Variants in GAPVD1 observed in about 807,000 individuals in gnomAD.
The protein encoded by GAPVD1 is GTPase activating protein and VPS9 domains 1.
Under a neutral mutation model 155.5 loss-of-function variants are expected in GAPVD1, and 35 were observed. The observed-to-expected ratio is 0.23, with a 90% CI of 0.17 to 0.30. The LOEUF (loss-of-function observed/expected upper bound fraction) is 0.30. Among genes scored for constraint, GAPVD1 ranks in the 10% least tolerant of loss-of-function variants. GAPVD1 has a pLI of 1.00. For missense variants in GAPVD1, 1,429 were observed against 1,775.7 expected, an observed-to-expected ratio of 0.80 and a Z score of 3.51; for synonymous variants, 636 against 619.7, an observed-to-expected ratio of 1.03 and a Z score of -0.39.
At chr9:125,330,986 A>AT (rs35123950) in intron 13 of GAPVD1, among the ~76,000 whole-genome samples, 74,910 of 150,184 alleles carry the variant, frequency 0.5, 18,746 homozygotes, top group Middle Eastern at 0.58. Flanking sequence ...AATCCTGAGG[A>AT]TTTTTTTTTT....
intron 26 of GAPVD1, chr9:125,359,976 T>A (rs1263593048): frequency 6.4e-6 from 1 of 155,270 alleles, no homozygotes; most frequent in Non-Finnish European, 1.4e-5. Context: ...TTGAGCTTTC[T>A]GTTTGTTTTT....
chr9:125,329,112 GGGGAGA>G (rs372681640), intron 12 of GAPVD1, among the ~76,000 whole-genome samples: 3,212 of 152,262 alleles, frequency 0.021, 82 homozygotes, highest in African/African-American at 0.069. Flanking sequence ...GGGAGACCGT[GGGGAGA>G]GGGAGAGGGA....
intron 12 of GAPVD1, among the ~76,000 whole-genome samples, 154 bp downstream of exon 12, chr9:125,326,743 A>T (rs1564400266): frequency 6.6e-6 from 1 of 152,210 alleles, no homozygotes; most frequent in East Asian, 1.9e-4. Context: ...GCATTTGGGT[A>T]CTTTTTTCTT....
chr9:125,293,168 G>T (rs1838875063), intron 2 of GAPVD1, among the ~76,000 whole-genome samples: 1 of 152,142 alleles, frequency 6.6e-6, no homozygotes, highest in African/African-American at 2.4e-5. Context: ...CCTGAGTTTG[G>T]AGTCTAGGAA....
rs1845407351 is a variant in GAPVD1 at position 125,327,750 on chromosome 9, C to T, written c.2032+1161C>T. Among the ~76,000 whole-genome samples, 8 of 152,202 alleles carry T rather than the reference C, an allele frequency of 5.3e-5. No homozygotes were observed. In the South Asian group the frequency reaches 1.7e-3, roughly 32 times the overall value. On this transcript the variant is annotated intron_variant, in intron 12 of 27. Transcript: ENST00000297933. ...AACTCCTGACCTCAAGTGATCCATC[C>T]GCCTCGGCCTCCCAAAGTGCTGGGA... is the stretch of plus-strand genomic sequence containing the variant.
chr9:125,356,764 TGGGCTTAA>T (rs1850138965), intron 25 of GAPVD1, among the ~76,000 whole-genome samples: 1 of 152,204 alleles, frequency 6.6e-6, no homozygotes, highest in African/African-American at 2.4e-5. Flanking sequence ...CTCTGCCTCC[TGGGCTTAA>T]GCGATTCTCC....
intron 17 of GAPVD1, among the ~76,000 whole-genome samples, 188 bp from the exon 18 acceptor site, chr9:125,340,989 C>CG (rs35474802): frequency 3.9e-5 from 6 of 152,256 alleles, no homozygotes; most frequent in African/African-American, 1.4e-4. Flanking sequence ...GAGGCTGATA[C>CG]GGGGAGGATC....
chr9:125,270,777 C>T (rs1240635223), intron 2 of GAPVD1, among the ~76,000 whole-genome samples: 2 of 152,084 alleles, frequency 1.3e-5, no homozygotes, highest in Admixed American at 6.6e-5. Context: ...AACCCCGTTT[C>T]TGGTAAAAGT....
chr9:125,293,815 T>G (rs1839114487), intron 2 of GAPVD1, among the ~76,000 whole-genome samples: 2 of 127,760 alleles, frequency 1.6e-5, no homozygotes, highest in South Asian at 4.6e-4. Context: ...TATATTTATA[T>G]ATGAAATATA....
rs183661345 is a variant in GAPVD1, at chr9:125,289,733, A to G, written c.-149-5725A>G. ...AGTTGCATATATGGATTTGGCATTC[A>G]GGGGAAAGGGACAGACTGGAGATAT... On this transcript the variant is annotated intron_variant, in intron 2 of 27. Coordinates refer to ENST00000297933, the MANE Select transcript of GAPVD1 (RefSeq NM_001282680.3). Among the ~76,000 whole-genome samples the G allele has an allele frequency of 2.6e-5, 4 of 152,300 alleles. No homozygotes were observed. In the East Asian group the frequency reaches 5.8e-4, roughly 22 times the overall value.
rs1204504913 is a variant in GAPVD1, at chr9:125,305,128, C to T, written c.1095C>T (p.Ser365=). The T allele has an allele frequency of 6.2e-7, 1 of 1,612,932 alleles. No homozygotes were observed. Among genetic ancestry groups the T allele is most frequent in the South Asian group, 1.1e-5 (1 of 91,068 alleles). ...GSEEGDPRTK[S]SLGKFDKSCV... Reference sequence around the variant, plus strand: ...AAGAGGGAGATCCCCGAACAAAGAGCAGCCTTGGAAAGTTTGACAAAGTAA... The same window carrying T: ...AAGAGGGAGATCCCCGAACAAAGAGTAGCCTTGGAAAGTTTGACAAAGTAA... Residue 365 remains serine (S), a synonymous_variant, in exon 6 of 28, where the codon AGC becomes AGT. Coordinates refer to ENST00000297933, the MANE Select transcript of GAPVD1 (RefSeq NM_001282680.3).
Position 125,319,411 on chromosome 9 carries a change from A to AT in GAPVD1, c.1603-2011dup, listed in dbSNP as rs912404196. Among the ~76,000 whole-genome samples the AT allele has an allele frequency of 1.2e-3, 165 of 143,314 alleles. 3 individuals carry two copies. The highest frequency in any genetic ancestry group is 3.5e-3 in the Middle Eastern group (1 of 284). The allele number at this position is 143,314 out of a possible 152,430, so 94.0% of individuals were successfully genotyped here. On this transcript the variant is annotated intron_variant, in intron 9 of 27. Coordinates refer to ENST00000297933, the MANE Select transcript of GAPVD1 (RefSeq NM_001282680.3). ...TTAATAAAAATTTTATGTGTATTTA[A>AT]TTTTTTTTTTTGAGATGGAATCTCC... is the stretch of plus-strand genomic sequence containing the variant.
chr9:125,329,059 C>T (rs1185050891), intron 12 of GAPVD1, among the ~76,000 whole-genome samples: 1 of 151,692 alleles, frequency 6.6e-6, no homozygotes, highest in African/African-American at 2.4e-5. Flanking sequence ...TTGCAGTGAG[C>T]CAAGATGGCA....
chr9:125,331,477 A>G (rs983075073), intron 13 of GAPVD1, among the ~76,000 whole-genome samples: 2 of 152,232 alleles, frequency 1.3e-5, no homozygotes, highest in African/African-American at 4.8e-5. Context: ...CTGGGATTAC[A>G]GGTGTGAGCT....
chr9:125,315,031 C>T (rs59268215), intron 9 of GAPVD1, among the ~76,000 whole-genome samples: 1,569 of 152,206 alleles, frequency 0.01, 20 homozygotes, highest in African/African-American at 0.034. Context: ...TCGTGATCCG[C>T]CCACCTCGGC....
In GAPVD1 at chr9:125,357,716, G is replaced by A. The variant is rs190900485; in HGVS notation, c.3972-1704G>A. Among the ~76,000 whole-genome samples, 7 of 152,222 alleles carry A rather than the reference G, an allele frequency of 4.6e-5. No homozygotes were observed. In the South Asian group the frequency reaches 8.3e-4, roughly 18 times the overall value. ...TGGCTGGGCGCAGTGGCGTATGCCTGTAATCCCATCACTTTGGGAGGCCGA... is the reference window on the plus strand; with the variant it reads ...TGGCTGGGCGCAGTGGCGTATGCCTATAATCCCATCACTTTGGGAGGCCGA... On this transcript the variant is annotated intron_variant, in intron 25 of 27. Coordinates refer to ENST00000297933, the MANE Select transcript of GAPVD1 (RefSeq NM_001282680.3).
At chr9:125,277,131 C>T (rs555715005) in intron 2 of GAPVD1, among the ~76,000 whole-genome samples, 7 of 152,176 alleles carry the variant, frequency 4.6e-5, no homozygotes, top group South Asian at 2.1e-4. Flanking sequence ...TGACTGATTC[C>T]TAATTGGAGC....
intron 9 of GAPVD1, among the ~76,000 whole-genome samples, chr9:125,314,961 G>A (rs1018010390): frequency 6.6e-6 from 1 of 151,696 alleles, no homozygotes; most frequent in Non-Finnish European, 1.5e-5. Context: ...CTATTTTTTT[G>A]TATTTTTAGT....
intron 8 of GAPVD1, 100 bp from the exon 9 acceptor site, chr9:125,312,352 G>A: frequency 1.3e-6 from 1 of 741,146 alleles, no homozygotes; most frequent in Non-Finnish European, 2.2e-6. Context: ...TTGTGCATGT[G>A]CAAATGTTCT....
Sources: gnomAD v4.1 joint callset for allele counts (sites outside exome capture counted in the v4.1 genomes callset) on GRCh38, gnomAD v4.1.1 for gene constraint, MANE v1.5 for transcripts, NCBI Gene and HGNC (gene_info 2026-07-23, HGNC 2026-07-21) for gene names.